Variants in HELZ observed in about 807,000 individuals in gnomAD.
HELZ encodes helicase with zinc finger, also known as ATP-dependent RNA helicase with zinc finger domain.
HELZ carries 23 observed loss-of-function variants against 218.2 expected under a neutral mutation model. The observed-to-expected ratio is 0.11, with a 90% confidence interval of 0.08 to 0.15. The LOEUF (loss-of-function observed/expected upper bound fraction) is 0.15, where lower values mean the gene tolerates loss of function less well. HELZ is among the 10% of genes least tolerant of loss of function. The pLI is 1.00. For synonymous variants in HELZ, 814 were observed against 829.4 expected, an observed-to-expected ratio of 0.98 and a Z score of 0.32; for missense variants, 1,813 against 2,353.7, an observed-to-expected ratio of 0.77 and a Z score of 4.75.
chr17:67,225,746 C>T (rs1001875399), intron 3 of HELZ, among the ~76,000 whole-genome samples: 4 of 152,134 alleles, frequency 2.6e-5, no homozygotes, highest in African/African-American at 9.7e-5. Context: ...GACAGTATCC[C>T]ATCCCTAACT....
intron 28 of HELZ, among the ~76,000 whole-genome samples, chr17:67,112,620 G>A (rs1177272703): frequency 6.6e-6 from 1 of 152,228 alleles, no homozygotes; most frequent in Non-Finnish European, 1.5e-5. Context: ...TGTGATATAA[G>A]TAACTGAATA....
At chr17:67,199,643 A>G (rs1215394907) in intron 7 of HELZ, among the ~76,000 whole-genome samples, 1 of 152,244 alleles carries the variant, frequency 6.6e-6, no homozygotes, top group African/African-American at 2.4e-5. Flanking sequence ...AGGCAACATA[A>G]GACAAAGAAA....
At chr17:67,157,941 C>G (rs1025070099) in intron 17 of HELZ, among the ~76,000 whole-genome samples, 4 of 152,142 alleles carry the variant, frequency 2.6e-5, no homozygotes, top group Admixed American at 2.6e-4. Flanking sequence ...ATCTTGAGAA[C>G]CACACACAAA....
chr17:67,150,130 C>CTTTTT (rs11408678), intron 18 of HELZ, 145 bp from the exon 19 acceptor site: 1,803 of 179,836 alleles, frequency 0.01, 7 homozygotes, highest in African/African-American at 0.021. Flanking sequence ...TATTTTCTTT[C>CTTTTT]TTTTTTTTTT....
intron 17 of HELZ, among the ~76,000 whole-genome samples, chr17:67,154,684 C>A (rs1027636707): frequency 6.6e-6 from 1 of 152,072 alleles, no homozygotes; most frequent in African/African-American, 2.4e-5. Flanking sequence ...ATTCTTCGAA[C>A]CAAAATTGAG....
chr17:67,219,350 G>A (rs895066150), intron 3 of HELZ, among the ~76,000 whole-genome samples: 3 of 152,160 alleles, frequency 2.0e-5, no homozygotes, highest in Admixed American at 6.5e-5. Context: ...ATTTCTCGAG[G>A]GCCAGGCCCT....
intron 17 of HELZ, among the ~76,000 whole-genome samples, chr17:67,155,920 ATG>A (rs972215163): frequency 6.6e-6 from 1 of 150,510 alleles, no homozygotes; most frequent in Non-Finnish European, 1.5e-5. Flanking sequence ...TGATATATGT[ATG>A]TGTGTGTGTA....
chr17:67,160,217 A>T (rs755370444), intron 17 of HELZ, 44 bp downstream of exon 17: 28 of 1,155,492 alleles, frequency 2.4e-5, no homozygotes. Context: ...TCTTAAGAAT[A>T]ATAAAGTATG....
chr17:67,209,094 G>A lies in HELZ; in HGVS notation c.248-5651C>T, dbSNP rs1006696410. On this transcript the variant is annotated intron_variant, in intron 5 of 32. Coordinates refer to ENST00000358691, the MANE Select transcript of HELZ (RefSeq NM_014877.4). ...GAAGGTAGGTTGGTTGTTGAACTGC[G>A]TCTCTATTTTAAAAGCCTGGGGAAT... Among the ~76,000 whole-genome samples the A allele has an allele frequency of 1.3e-4, 19 of 143,150 alleles. No individual in the cohort carries two copies. The East Asian group carries it at 2.2e-3, about 17-fold the overall frequency. The allele number at this position is 143,150 out of a possible 152,430, so 93.9% of individuals were successfully genotyped here. A position where few individuals can be genotyped will look rare whatever the true frequency, so the allele number is the denominator to read the frequency against.
At chr17:67,160,646 C>G (rs1194104725) in intron 16 of HELZ, among the ~76,000 whole-genome samples, 1 of 152,164 alleles carries the variant, frequency 6.6e-6, no homozygotes. Flanking sequence ...CCATAGCAAA[C>G]TTGTTCTGAT....
At position 67,107,439 on chromosome 17, in the gene HELZ, T is replaced by C. The variant is rs777881996; in HGVS notation, c.4971A>G (p.Ile1657Met). Reference protein sequence around the residue: ...PAFPQRLPPQIFNSPFSLPSE... With the variant: ...PAFPQRLPPQMFNSPFSLPSE... ...ATGGCAACGAGAAAGGTGAGTTGAA[T>C]ATCTGGGGTGGGAGGCGCTGTGGAA... The change falls in exon 31 of 33, where the codon ATA becomes ATG. Residue 1657 changes from isoleucine to methionine, a missense_variant. Transcript: ENST00000358691. 6.2e-7 allele frequency: 1 copy of C among 1,614,160 alleles called. No individual in the cohort carries two copies. Among genetic ancestry groups the C allele is most frequent in the Non-Finnish European group, 8.5e-7 (1 of 1,180,026 alleles).
chr17:67,144,238 C>T (rs75564938), intron 21 of HELZ, among the ~76,000 whole-genome samples: 1 of 152,118 alleles, frequency 6.6e-6, no homozygotes, highest in East Asian at 1.9e-4. Context: ...TTCAAAACGC[C>T]TACACTGGTA....
At chr17:67,164,284 A>G (rs905613305) in intron 15 of HELZ, among the ~76,000 whole-genome samples, 4 of 152,230 alleles carry the variant, frequency 2.6e-5, no homozygotes, top group Admixed American at 6.5e-5. Context: ...TCAGGCACTC[A>G]ATAAATAGTT....
chr17:67,142,950 G>C (rs543569356), intron 21 of HELZ, among the ~76,000 whole-genome samples: 2 of 151,594 alleles, frequency 1.3e-5, no homozygotes, highest in African/African-American at 4.9e-5. Flanking sequence ...TTGTAGAGAC[G>C]GGGTTTCACC....
intron 31 of HELZ, among the ~76,000 whole-genome samples, chr17:67,089,668 T>TATAGAGAGAGAGAG (rs71293575): frequency 2.0e-4 from 14 of 70,640 alleles, no homozygotes; most frequent in African/African-American, 6.6e-4. Flanking sequence ...TATATATATA[T>TATAGAGAGAGAGAG]AGAGAGAGAG....
At chr17:67,120,659 G>T in intron 26 of HELZ, 47 bp from the exon 27 acceptor site, 1 of 1,341,938 alleles carries the variant, frequency 7.5e-7, no homozygotes, top group Non-Finnish European at 1.1e-6. Context: ...TATTTTGGAA[G>T]GCAAACTGCT....
chr17:67,219,265 A>C (rs1308772009), intron 3 of HELZ, among the ~76,000 whole-genome samples: 1 of 152,194 alleles, frequency 6.6e-6, no homozygotes, highest in Admixed American at 6.5e-5. Context: ...AATCTATACC[A>C]TGCAGGATTA....
chr17:67,089,481 G>A (rs1406946002), intron 31 of HELZ, among the ~76,000 whole-genome samples: 2 of 151,784 alleles, frequency 1.3e-5, no homozygotes, highest in Admixed American at 6.6e-5. Flanking sequence ...CTCCGGGGAA[G>A]TATTGTATAA....
At chr17:67,102,525 A>C (rs1035346059) in intron 31 of HELZ, among the ~76,000 whole-genome samples, 1 of 152,348 alleles carries the variant, frequency 6.6e-6, no homozygotes, top group East Asian at 1.9e-4. Flanking sequence ...CCACAAGATT[A>C]ATCTACTAAG....
Sources: gnomAD v4.1 joint callset for allele counts (sites outside exome capture counted in the v4.1 genomes callset) on GRCh38, gnomAD v4.1.1 for gene constraint, MANE v1.5 for transcripts, NCBI Gene and HGNC (gene_info 2026-07-23, HGNC 2026-07-21) for gene names.